Variants in DLEC1 observed in about 807,000 individuals in gnomAD.
DLEC1 encodes deleted in lung and esophageal cancer protein 1.
DLEC1 carries 146 observed loss-of-function variants against 198.1 expected under a neutral mutation model. The ratio of observed to expected loss-of-function variants is 0.74; its 90% CI spans 0.64 to 0.85. The LOEUF (loss-of-function observed/expected upper bound fraction) is 0.85, where lower values mean the gene tolerates loss of function less well. Among genes scored for constraint, DLEC1 ranks in the 40% least tolerant of loss-of-function variants. The probability of loss-of-function intolerance (pLI) is 0.00; values close to 1 mark genes in which losing one functional copy is unlikely to be tolerated. For missense variants in DLEC1, 2,233 were observed against 2,220.0 expected, an observed-to-expected ratio of 1.01 and a Z score of -0.12; for synonymous variants, 897 against 866.8, an observed-to-expected ratio of 1.03 and a Z score of -0.61.
rs996056379 is a variant in DLEC1, at chr3:38,117,089, T to C, written c.4294T>C (p.Leu1432=). The C allele has an allele frequency of 2.5e-5, 40 of 1,613,974 alleles. No individual in the cohort carries two copies. Among genetic ancestry groups the C allele is most frequent in the Non-Finnish European group, 3.2e-5 (38 of 1,179,980 alleles). ...TGGCTACGCCCTGGGTTTCATGAGC[T>C]TGGACAGCAAGGTGAGCTCTTCCGG... ...CTGYALGFMS[L]DSKVEREIPG... The change falls in exon 30 of 37, where the codon TTG becomes CTG. Residue 1432 remains leucine (L), a synonymous_variant. Coordinates refer to ENST00000308059, the MANE Select transcript of DLEC1 (RefSeq NM_007335.4).
chr3:38,041,042 C>CA (rs1422520528), intron 1 of DLEC1, among the ~76,000 whole-genome samples: 1 of 151,806 alleles, frequency 6.6e-6, no homozygotes, highest in Non-Finnish European at 1.5e-5. Context: ...GATGGAGTCT[C>CA]ACTCTGTCAC....
intron 19 of DLEC1, among the ~76,000 whole-genome samples, chr3:38,104,947 A>G (rs183036857): frequency 1.2e-4 from 19 of 152,128 alleles, no homozygotes; most frequent in Non-Finnish European, 2.6e-4. Flanking sequence ...ACAAATATAA[A>G]TTTTCCTCTA....
intron 26 of DLEC1, 127 bp from the exon 27 acceptor site, chr3:38,114,856 A>G: frequency 2.5e-6 from 2 of 796,368 alleles, no homozygotes; most frequent in South Asian, 1.8e-5. Context: ...AGGTCTCATT[A>G]ATTCTCGAGT....
At chr3:38,078,350 CAGCAG>C (rs1697754449) in intron 6 of DLEC1, among the ~76,000 whole-genome samples, 1 of 152,218 alleles carries the variant, frequency 6.6e-6, no homozygotes, top group Non-Finnish European at 1.5e-5. Context: ...ATTAAAGCAG[CAGCAG>C]CCGCTGCACG....
chr3:38,062,725 G>A lies in DLEC1; in HGVS notation c.1018G>A (p.Gly340Arg). The change falls in exon 5 of 37, where the codon GGA (glycine) becomes AGA (arginine). Residue 340 changes from glycine (G) to arginine (R), a missense_variant. Transcript: ENST00000308059. ...PRFFPPNTRY[G>R]GKSLVFPPKK... ...TTTTTTTCCTCCTAACACTCGATAT[G>A]GAGGCAAGTCTCTTGTTTTTCCTCC... 1 of 1,614,080 alleles carries A rather than the reference G, an allele frequency of 6.2e-7. No individual in the cohort carries two copies. Among genetic ancestry groups the A allele is most frequent in the South Asian group, 1.1e-5 (1 of 91,076 alleles).
intron 2 of DLEC1, among the ~76,000 whole-genome samples, chr3:38,056,952 AATG>A (rs1196949499): frequency 6.6e-6 from 1 of 152,198 alleles, no homozygotes; most frequent in Non-Finnish European, 1.5e-5. Flanking sequence ...CACCCATCAG[AATG>A]ATGATGATGA....
chr3:38,084,470 G>GGTAGTAGTAGTA (rs1698287347), intron 7 of DLEC1, among the ~76,000 whole-genome samples: 2 of 750 alleles, frequency 2.7e-3, no homozygotes, highest in African/African-American at 7.8e-3. Flanking sequence ...TAATAGTAGT[G>GGTAGTAGTAGTA]GTGGTGGTGG....
At chr3:38,070,613 G>A (rs982222176) in intron 6 of DLEC1, among the ~76,000 whole-genome samples, 3 of 152,206 alleles carry the variant, frequency 2.0e-5, no homozygotes, top group Admixed American at 6.5e-5. Context: ...AAGAGATGGG[G>A]TGGGTCCATT....
At chr3:38,106,812 G>T (rs1054401435) in intron 19 of DLEC1, among the ~76,000 whole-genome samples, 13 of 143,656 alleles carry the variant, frequency 9.0e-5, no homozygotes, top group Non-Finnish European at 2.0e-4. Context: ...GGCCCATCTA[G>T]ATTATCTAGG....
At chr3:38,099,539 G>A (rs1699198738) in intron 18 of DLEC1, among the ~76,000 whole-genome samples, 1 of 152,172 alleles carries the variant, frequency 6.6e-6, no homozygotes, top group South Asian at 2.1e-4. Context: ...CAGAGCTGCT[G>A]AAACCCAACC....
chr3:38,088,804 T>C (rs1218360300), intron 10 of DLEC1, among the ~76,000 whole-genome samples: 1 of 152,090 alleles, frequency 6.6e-6, no homozygotes, highest in Non-Finnish European at 1.5e-5. Flanking sequence ...CCTCAGTTTG[T>C]ATAGTCAGCA....
intron 33 of DLEC1, among the ~76,000 whole-genome samples, chr3:38,120,058 A>G (rs948510515): frequency 1.3e-5 from 2 of 152,074 alleles, no homozygotes; most frequent in African/African-American, 2.4e-5. Context: ...CATCACACTC[A>G]TGTGTGGTCT....
chr3:38,117,748 T>C, intron 32 of DLEC1, 58 bp from the exon 33 acceptor site: 2 of 936,152 alleles, frequency 2.1e-6, no homozygotes, highest in African/African-American at 3.4e-5. Context: ...CCTAGAGCCA[T>C]GGGGTTGAAG....
intron 2 of DLEC1, among the ~76,000 whole-genome samples, chr3:38,053,016 T>G (rs1701205123): frequency 2.0e-5 from 3 of 152,220 alleles, no homozygotes; most frequent in Admixed American, 2.0e-4. Flanking sequence ...GGTCTCCAGC[T>G]CCTAACCGCG....
In DLEC1 at chr3:38,095,176, G is replaced by T. The variant is rs1360837157; in HGVS notation, c.2112+105G>T. ...TGAAGCCACAGCTGGGCCCACCGAG[G>T]TGCTATCCTGCCCAGGCCAGCACTT... On this transcript the variant is annotated intron_variant, in intron 13 of 36. Transcript: ENST00000308059. The T allele has an allele frequency of 2.8e-6, 4 of 1,418,452 alleles. No individual in the cohort carries two copies. The Admixed American group carries it at 7.7e-5, about 27-fold the overall frequency. The allele number at this position is 1,418,452 out of a possible 1,614,324, so 87.9% of individuals were successfully genotyped here.
chr3:38,121,086 T>G (rs1340885722), intron 34 of DLEC1, among the ~76,000 whole-genome samples: 1 of 151,786 alleles, frequency 6.6e-6, no homozygotes, highest in East Asian at 1.9e-4. Context: ...TGTGAAGGAG[T>G]GGCCTGGGGA....
At chr3:38,044,059 A>G (rs1700775243) in intron 1 of DLEC1, among the ~76,000 whole-genome samples, 1 of 152,008 alleles carries the variant, frequency 6.6e-6, no homozygotes, top group South Asian at 2.1e-4. Context: ...ACTTGAGTCC[A>G]GGAGTTTGAG....
In DLEC1 at chr3:38,115,898, A is replaced by C. The variant is rs577377016; in HGVS notation, c.3857-555A>C. 2.6e-5 allele frequency among the ~76,000 whole-genome samples: 4 copies of C among 152,058 alleles called. No individual in the cohort carries two copies. In the South Asian group the frequency reaches 6.2e-4, roughly 24 times the overall value. On this transcript the variant is annotated intron_variant, in intron 27 of 36. Coordinates refer to ENST00000308059, the MANE Select transcript of DLEC1 (RefSeq NM_007335.4). Reference sequence around the variant, plus strand: ...TTGGGGACAGATTGATGGGGGTGGCAATCTGTTCAGCTGGGGGACTTCCCC... The same window carrying C: ...TTGGGGACAGATTGATGGGGGTGGCCATCTGTTCAGCTGGGGGACTTCCCC...
intron 34 of DLEC1, among the ~76,000 whole-genome samples, chr3:38,121,289 C>T (rs1477819162): frequency 6.6e-6 from 1 of 152,168 alleles, no homozygotes; most frequent in Non-Finnish European, 1.5e-5. Flanking sequence ...AAATGGTCCA[C>T]GGCTGAGAGG....
Sources: gnomAD v4.1 joint callset for allele counts (sites outside exome capture counted in the v4.1 genomes callset) on GRCh38, gnomAD v4.1.1 for gene constraint, MANE v1.5 for transcripts, NCBI Gene and HGNC (gene_info 2026-07-23, HGNC 2026-07-21) for gene names.